SATB1: variants seen among roughly 807,000 people sequenced by gnomAD.
The protein encoded by SATB1 is SATB homeobox 1, also known as DNA-binding protein SATB1.
In SATB1, 11 loss-of-function variants were observed where a neutral mutation model predicts 86.9. The observed-to-expected ratio is 0.13, with a 90% confidence interval of 0.08 to 0.21. The LOEUF (loss-of-function observed/expected upper bound fraction) is 0.21. Ranked by LOEUF, SATB1 falls within the 10% of genes least tolerant of loss-of-function variation. The pLI is 1.00. For synonymous variants in SATB1, 357 were observed against 357.2 expected (o/e 1.00, Z 0.01); for missense variants, 551 against 937.6 (o/e 0.59, Z 5.39).
chr3:18,416,841 C>G (rs1383430745), intron 3 of SATB1, 61 bp downstream of exon 3: 45 of 1,434,140 alleles, frequency 3.1e-5, no homozygotes, highest in Non-Finnish European at 3.7e-5. Context: ...TCAGTGCTTT[C>G]TCTGCAAGGT....
At chr3:18,416,779 C>T in intron 3 of SATB1, 123 bp downstream of exon 3, 1 of 977,854 alleles carries the variant, frequency 1.0e-6, no homozygotes, top group Non-Finnish European at 1.5e-6. Flanking sequence ...AAAGCCACAG[C>T]CTATAAGGAA....
chr3:18,373,677 TTC>T (rs1031875357), intron 9 of SATB1, among the ~76,000 whole-genome samples: 1 of 152,132 alleles, frequency 6.6e-6, no homozygotes, highest in Non-Finnish European at 1.5e-5. Flanking sequence ...GGTATTCTTT[TTC>T]TCTCTTTCAT....
At chr3:18,396,684 A>T (rs1021666222) in intron 6 of SATB1, among the ~76,000 whole-genome samples, 17 of 152,184 alleles carry the variant, frequency 1.1e-4, no homozygotes, top group Admixed American at 6.5e-4. Flanking sequence ...GTGCTTATCA[A>T]AGTGCCCATC....
At position 18,444,181 on chromosome 3, in the gene SATB1, C is replaced by G. The variant is rs746009063; in HGVS notation, c.-25+1337G>C. On this transcript the variant is annotated intron_variant, in intron 1 of 3. Transcript: ENST00000415069. The surrounding 1 kb of genome is among the most constrained non-coding windows in gnomAD (Gnocchi z 5.1). ...TCCTCCAGGCACCTTACTGCCCGCC[C>G]GGCTCCAGAACGCACCGAGAGGCTC... is the stretch of plus-strand genomic sequence containing the variant. 2.0e-5 allele frequency among the ~76,000 whole-genome samples: 3 copies of G among 152,050 alleles called. No homozygotes were observed. The highest frequency in any genetic ancestry group is 2.0e-4 in the Admixed American group (3 of 15,266).
At chr3:18,445,009 A>T in intron 1 of SATB1, 1 of 167,900 alleles carries the variant, frequency 6.0e-6, no homozygotes, top group Non-Finnish European at 1.1e-5. Flanking sequence ...TGCAGTCTGG[A>T]GGCGCACCGG....
chr3:18,414,525 AAAAACAG>A (rs1698021376), intron 5 of SATB1, among the ~76,000 whole-genome samples: 1 of 152,116 alleles, frequency 6.6e-6, no homozygotes, highest in Non-Finnish European at 1.5e-5. Context: ...TTCCACTTAA[AAAAACAG>A]AAAAGAAGTA....
chr3:18,420,732 C>T (rs1698343847), intron 2 of SATB1, 25 bp downstream of exon 2: 1 of 1,603,994 alleles, frequency 6.2e-7, no homozygotes, highest in Non-Finnish European at 8.5e-7. Context: ...TTCAGCTTTT[C>T]AAGATTTGGC....
Position 18,364,648 on chromosome 3 carries a change from G to A in SATB1, c.1576-12453C>T, listed in dbSNP as rs1297054035. Among the ~76,000 whole-genome samples, 12 of 151,914 alleles carry A rather than the reference G, an allele frequency of 7.9e-5. No individual in the cohort carries two copies. In the South Asian group the frequency reaches 2.5e-3, roughly 32 times the overall value. ...CAAGGTTAAGAACCCCTAAATGGGT[G>A]ACCCTTCCTCTTACCCCACATAAAC... On this transcript the variant is annotated intron_variant, in intron 9 of 10. Transcript: ENST00000338745.
At chr3:18,376,710 C>T (rs1031587232) in intron 9 of SATB1, among the ~76,000 whole-genome samples, 2 of 152,038 alleles carry the variant, frequency 1.3e-5, no homozygotes, top group Non-Finnish European at 2.9e-5. Flanking sequence ...ATTTCAAGAG[C>T]CCTGTAATTT....
chr3:18,366,430 A>G (rs1335915444), intron 9 of SATB1, among the ~76,000 whole-genome samples: 1 of 148,860 alleles, frequency 6.7e-6, no homozygotes, highest in African/African-American at 2.6e-5. Flanking sequence ...GTGCCAGAAA[A>G]AAACTTCCAT....
At chr3:18,363,772 T>C (rs1446801122) in intron 9 of SATB1, among the ~76,000 whole-genome samples, 1 of 152,142 alleles carries the variant, frequency 6.6e-6, no homozygotes, top group Non-Finnish European at 1.5e-5. Flanking sequence ...TAACAGGAGA[T>C]GTGGGGACAA....
At chr3:18,396,044 G>C (rs1682378040) in intron 6 of SATB1, among the ~76,000 whole-genome samples, 1 of 152,146 alleles carries the variant, frequency 6.6e-6, no homozygotes, top group Non-Finnish European at 1.5e-5. Context: ...TATAGCTCCT[G>C]ATATACGCAA....
In SATB1 at chr3:18,425,245, G is replaced by A. The variant is rs893290054; in HGVS notation, c.-1643C>T. 1.3e-5 allele frequency: 2 copies of A among 155,168 alleles called. No homozygotes were observed. Among genetic ancestry groups the A allele is most frequent in the African/African-American group, 2.4e-5 (1 of 41,406 alleles). The allele number at this position is 155,168 out of a possible 1,614,324, so 9.6% of individuals were successfully genotyped here. A position where few individuals can be genotyped will look rare whatever the true frequency, so the allele number is the denominator to read the frequency against. On this transcript the variant is annotated 5_prime_UTR_variant, in exon 1 of 11. Transcript: ENST00000338745. ...CGCTCGCAGCCCCAGCCCCGAGCAC[G>A]CAGCCTCCTCCCGGCCGCCCGCCGC...
intron 2 of SATB1, among the ~76,000 whole-genome samples, chr3:18,432,501 C>T (rs886909841): frequency 6.6e-6 from 1 of 152,118 alleles, no homozygotes; most frequent in African/African-American, 2.4e-5. Flanking sequence ...CTGCTATGCC[C>T]ACCACCATAA....
chr3:18,413,340 G>T (rs1053618941), intron 5 of SATB1, among the ~76,000 whole-genome samples: 1 of 152,088 alleles, frequency 6.6e-6, no homozygotes, highest in Admixed American at 6.6e-5. Context: ...ATAAATATTT[G>T]TAACGACAGC....
chr3:18,432,061 A>G (rs971735619), intron 2 of SATB1, among the ~76,000 whole-genome samples: 2 of 152,140 alleles, frequency 1.3e-5, no homozygotes, highest in African/African-American at 4.8e-5. Flanking sequence ...TCTTTTTTCA[A>G]TATAACATGA....
intron 9 of SATB1, among the ~76,000 whole-genome samples, chr3:18,360,438 CTATT>C (rs1694852991): frequency 6.6e-6 from 1 of 152,068 alleles, no homozygotes; most frequent in African/African-American, 2.4e-5. Context: ...ATCTGTTGGG[CTATT>C]TATTAGCTAT....
rs1694267724 is a variant in SATB1 at position 18,349,903 on chromosome 3, G to A, written c.1780-221C>T. On this transcript the variant is annotated intron_variant, in intron 10 of 10. Coordinates refer to ENST00000338745, the MANE Select transcript of SATB1 (RefSeq NM_002971.6). The surrounding 1 kb of genome is among the most constrained non-coding windows in gnomAD (Gnocchi z 5.5). ...GGATGAATTAAGACAGCTTTGGGGG[G>A]CTACTGCACTTACTTATCAGAGATC... The A allele has an allele frequency of 2.8e-6, 2 of 704,116 alleles. No homozygotes were observed. Among genetic ancestry groups the A allele is most frequent in the Non-Finnish European group, 4.4e-6 (2 of 453,970 alleles). 43.6% of individuals were successfully genotyped at this position (704,116 alleles called of 1,614,324 possible).
chr3:18,402,893 C>T (rs181408180), intron 5 of SATB1, among the ~76,000 whole-genome samples: 53 of 152,122 alleles, frequency 3.5e-4, no homozygotes, highest in African/African-American at 1.2e-3. Flanking sequence ...TATCTAAATA[C>T]GATTAAACAG....
Sources: gnomAD v4.1 joint callset for allele counts (sites outside exome capture counted in the v4.1 genomes callset) on GRCh38, gnomAD v4.1.1 for gene constraint, Gnocchi (gnomAD v3.1) non-coding constraint, MANE v1.5 for transcripts, NCBI Gene and HGNC (gene_info 2026-07-23, HGNC 2026-07-21) for gene names.